Variants in PHTF1 observed in about 807,000 individuals in gnomAD.
PHTF1 encodes putative homeodomain transcription factor 1, also known as protein PHTF1.
In PHTF1, 88 loss-of-function variants were observed where a neutral mutation model predicts 102.4. That is an observed-to-expected ratio of 0.86 (90% CI 0.72 to 1.03). The LOEUF (loss-of-function observed/expected upper bound fraction) is 1.03. Among genes scored for constraint, PHTF1 ranks in the 50% least tolerant of loss-of-function variants. The pLI is 0.00. For missense variants in PHTF1, 814 were observed against 909.5 expected, an observed-to-expected ratio of 0.89 and a Z score of 1.35; for synonymous variants, 289 against 305.2, an observed-to-expected ratio of 0.95 and a Z score of 0.55.
chr1:113,711,518 T>C (rs1204349627), intron 10 of PHTF1, among the ~76,000 whole-genome samples: 1 of 152,198 alleles, frequency 6.6e-6, no homozygotes. Context: ...AGTAACCTCC[T>C]GCTGGGCATC....
At chr1:113,726,608 A>G in intron 5 of PHTF1, 34 bp from the exon 6 acceptor site, 28 of 1,303,640 alleles carry the variant, frequency 2.1e-5, no homozygotes, top group Non-Finnish European at 3.0e-5. Context: ...GTAAAACATT[A>G]GAGCTCTTCT....
Position 113,738,279 on chromosome 1 carries a change from A to G in PHTF1, c.173-11T>C. 1.2e-6 allele frequency: 2 copies of G among 1,608,928 alleles called. No homozygotes were observed. Among genetic ancestry groups the G allele is most frequent in the Non-Finnish European group, 1.7e-6 (2 of 1,176,494 alleles). ...TGGCAAATGTTGACCCTTTAAACAT[A>G]CAATAAAACAAAACATCAAACATTT... On this transcript the variant is annotated splice_polypyrimidine_tract_variant and intron_variant, in intron 4 of 18. Coordinates refer to ENST00000369604, the MANE Select transcript of PHTF1 (RefSeq NM_001323043.2).
intron 15 of PHTF1, among the ~76,000 whole-genome samples, chr1:113,701,411 A>C (rs1037562977): frequency 3.3e-5 from 5 of 152,232 alleles, no homozygotes; most frequent in Non-Finnish European, 1.5e-5. Context: ...CCATTTATTG[A>C]GTGCCTATTA....
intron 12 of PHTF1, 49 bp downstream of exon 12, chr1:113,706,545 G>T: frequency 3.4e-6 from 5 of 1,491,046 alleles, no homozygotes; most frequent in Non-Finnish European, 3.6e-6. Context: ...AATAGCTCCT[G>T]ATCACTTCGT....
chr1:113,706,598 C>T lies in PHTF1; in HGVS notation c.1394G>A (p.Ser465Asn), dbSNP rs1240019719. The T allele has an allele frequency of 8.7e-6, 14 of 1,606,422 alleles. No individual in the cohort carries two copies. Among genetic ancestry groups the T allele is most frequent in the Non-Finnish European group, 1.2e-5 (14 of 1,177,774 alleles). ...TGAAAACATATTCAGTCTTACCCTG[C>T]TCATGATGATGCCACTTATTTCCAA... ...SVLEISGIIM[S>N]RVNAYQQGVG... The change falls in exon 12 of 19, where the codon AGC (serine) becomes AAC (asparagine). Residue 465 changes from serine (S) to asparagine (N), a missense_variant. Ser to Asn is a conservative substitution (Grantham distance 46, BLOSUM62 1). Transcript: ENST00000369604.
At chr1:113,729,093 A>G (rs2101492135) in intron 5 of PHTF1, among the ~76,000 whole-genome samples, 1 of 152,338 alleles carries the variant, frequency 6.6e-6, no homozygotes, top group East Asian at 1.9e-4. Context: ...CAGCCATAAA[A>G]AAGAATAAGA....
intron 3 of PHTF1, chr1:113,746,897 C>G: frequency 5.7e-6 from 4 of 702,978 alleles, no homozygotes; most frequent in Non-Finnish European, 7.0e-6. Flanking sequence ...CTCTTTACTT[C>G]TAAAACAAAA....
intron 5 of PHTF1, among the ~76,000 whole-genome samples, chr1:113,730,385 A>T (rs1654462639): frequency 6.6e-6 from 1 of 152,256 alleles, no homozygotes; most frequent in Admixed American, 6.5e-5. Flanking sequence ...AAATCAATAC[A>T]TATTATATGT....
intron 5 of PHTF1, among the ~76,000 whole-genome samples, chr1:113,729,618 T>C (rs1046990285): frequency 6.6e-6 from 1 of 152,202 alleles, no homozygotes; most frequent in African/African-American, 2.4e-5. Context: ...CTCTAAACCC[T>C]TGAATTTCCT....
At chr1:113,718,431 A>G (rs1057151958) in intron 7 of PHTF1, among the ~76,000 whole-genome samples, 3 of 152,166 alleles carry the variant, frequency 2.0e-5, no homozygotes, top group Non-Finnish European at 2.9e-5. Context: ...TGGATCTACC[A>G]TTCTGGGGTC....
chr1:113,753,971 A>G (rs1369232377), intron 3 of PHTF1, among the ~76,000 whole-genome samples: 1 of 152,218 alleles, frequency 6.6e-6, no homozygotes, highest in African/African-American at 2.4e-5. Context: ...ATGCCCAGCA[A>G]CTAGGCTCAT....
intron 3 of PHTF1, among the ~76,000 whole-genome samples, chr1:113,742,881 T>G (rs1656633850): frequency 6.6e-6 from 1 of 152,254 alleles, no homozygotes; most frequent in Non-Finnish European, 1.5e-5. Context: ...TTGCCCATGA[T>G]ATAGTGCAAT....
intron 6 of PHTF1, 47 bp from the exon 7 acceptor site, chr1:113,724,940 T>C: frequency 1.4e-6 from 2 of 1,394,188 alleles, no homozygotes; most frequent in Non-Finnish European, 2.0e-6. Context: ...AGACCCTTTC[T>C]ATTTCTGCCA....
intron 3 of PHTF1, among the ~76,000 whole-genome samples, chr1:113,751,490 T>C (rs1658071001): frequency 6.6e-6 from 1 of 152,228 alleles, no homozygotes; most frequent in African/African-American, 2.4e-5. Context: ...ATGTTGTACT[T>C]AGCATGACAT....
chr1:113,697,765 A>G, intron 18 of PHTF1, 40 bp from the exon 19 acceptor site: 2 of 1,499,362 alleles, frequency 1.3e-6, no homozygotes, highest in Non-Finnish European at 1.9e-6. Context: ...AGTTCTAGGA[A>G]AACCAGGTGG....
At chr1:113,706,535 AATAGCTCCTGATCACTTCGT>A in intron 12 of PHTF1, 39 bp downstream of exon 12, 1 of 1,407,490 alleles carries the variant, frequency 7.1e-7, no homozygotes, top group South Asian at 1.5e-5. Context: ...ATTCTTATAA[AATAGCTCCTGATCACTTCGT>A]ATATTTTTTG....
At position 113,731,902 on chromosome 1, in the gene PHTF1, T is replaced by TAA. The variant is rs562312013; in HGVS notation, c.332-5330_332-5329dup. 1.4e-3 allele frequency among the ~76,000 whole-genome samples: 154 copies of TAA among 109,302 alleles called. 1 individual carries two copies. Among genetic ancestry groups the TAA allele is most frequent in the Middle Eastern group, 5.4e-3 (1 of 186 alleles). 71.7% of individuals were successfully genotyped at this position (109,302 alleles called of 152,430 possible). On this transcript the variant is annotated intron_variant, in intron 5 of 18. Coordinates refer to ENST00000369604, the MANE Select transcript of PHTF1 (RefSeq NM_001323043.2). ...ACAGAGCAAGACGCCGTCTCAATTT[T>TAA]AAAAAAAAAAAAAAAAAAAAAGGAA...
Position 113,724,850 on chromosome 1 carries a change from C to A in PHTF1, c.532G>T (p.Gly178Ter). 1 of 1,608,960 alleles carries A rather than the reference C, an allele frequency of 6.2e-7. No homozygotes were observed. Among genetic ancestry groups the A allele is most frequent in the Non-Finnish European group, 8.5e-7 (1 of 1,177,198 alleles). Residue 178 changes from glycine (G) to a stop codon, truncating the protein, a stop_gained, in exon 7 of 19, where the codon GGA becomes TGA. Coordinates refer to ENST00000369604, the MANE Select transcript of PHTF1 (RefSeq NM_001323043.2). LOFTEE classifies it high-confidence loss of function. ...CTGACTTTATCAGAGGAGTTATTTC[C>A]ATTTTCTCGGCTCCCATCACCATTT... ...TVNGDGSRENGNNSSDKVRGI... is the reference protein window; with the variant it reads ...TVNGDGSREN
chr1:113,753,301 T>C (rs1658358327), intron 3 of PHTF1, among the ~76,000 whole-genome samples: 2 of 152,268 alleles, frequency 1.3e-5, no homozygotes, highest in South Asian at 4.1e-4. Flanking sequence ...TTCTCTATTT[T>C]CTGAAAAAGT....
Sources: gnomAD v4.1 joint callset for allele counts (sites outside exome capture counted in the v4.1 genomes callset) on GRCh38, gnomAD v4.1.1 for gene constraint, MANE v1.5 for transcripts, NCBI Gene and HGNC (gene_info 2026-07-23, HGNC 2026-07-21) for gene names.